The following CHTF8 variants were observed in gnomAD, a reference collection of about 807,000 sequenced individuals.
CHTF8 encodes chromosome transmission fidelity protein 8 homolog.
In CHTF8, 6 loss-of-function variants were observed where a neutral mutation model predicts 11.0. The observed-to-expected ratio is 0.55, with a 90% confidence interval of 0.30 to 1.08. The LOEUF (loss-of-function observed/expected upper bound fraction) is 1.08. CHTF8 is among the 50% of genes least tolerant of loss of function. CHTF8 has a pLI of 0.07. For synonymous variants in CHTF8, 53 were observed against 60.5 expected (o/e 0.88, Z 0.57); for missense variants, 140 against 153.1 (o/e 0.91, Z 0.45).
rs949382591 is a variant in CHTF8 at position 69,126,549 on chromosome 16, C to T, written c.-35-5056G>A. ...GCCCACAGGCCTCAGCATCTTACCA[C>T]CATGCTCAGTCAGGCTGGTAAAAAC... On this transcript the variant is annotated intron_variant, in intron 1 of 3. Transcript: ENST00000448552. Among the ~76,000 whole-genome samples, 4 of 152,230 alleles carry T rather than the reference C, an allele frequency of 2.6e-5. No individual in the cohort carries two copies. In the South Asian group the frequency reaches 6.2e-4, roughly 24 times the overall value.
chr16:69,126,700 G>C (rs909248526), intron 1 of CHTF8, among the ~76,000 whole-genome samples: 7 of 152,200 alleles, frequency 4.6e-5, no homozygotes, highest in African/African-American at 1.7e-4. Context: ...TAATTTATAC[G>C]CACGTGGGTG....
chr16:69,130,853 CA>C (rs1266765721), intron 1 of CHTF8, among the ~76,000 whole-genome samples: 2 of 152,188 alleles, frequency 1.3e-5, no homozygotes, highest in Non-Finnish European at 2.9e-5. Context: ...ATCAAGTTTT[CA>C]TAACAGTAGA....
intron 1 of CHTF8, among the ~76,000 whole-genome samples, chr16:69,122,835 C>A (rs892554602): frequency 6.6e-6 from 1 of 151,904 alleles, no homozygotes; most frequent in African/African-American, 2.4e-5. Context: ...AACCACCGCA[C>A]CTGGCTTAAT....
At chr16:69,126,704 G>A (rs529015379) in intron 1 of CHTF8, among the ~76,000 whole-genome samples, 2 of 152,350 alleles carry the variant, frequency 1.3e-5, no homozygotes, top group Middle Eastern at 3.4e-3. Context: ...TTATACGCAC[G>A]TGGGTGTATT....
Position 69,118,045 on chromosome 16 carries a change from A to AAAGAT in CHTF8, c.*2375_*2379dup. On this transcript the variant is annotated 3_prime_UTR_variant, in exon 4 of 4. Coordinates refer to ENST00000448552, the MANE Select transcript of CHTF8 (RefSeq NM_001039690.5). ...CCCATTTATTAAAGAAACAGTAAGA[A>AAAGAT]AAGATACAATGCAGGAAAACCACCA... 1 of 421,054 alleles carries AAAGAT rather than the reference A, an allele frequency of 2.4e-6. No homozygotes were observed. Among genetic ancestry groups the AAAGAT allele is most frequent in the African/African-American group, 2.0e-5 (1 of 50,506 alleles). 26.1% of individuals were successfully genotyped at this position (421,054 alleles called of 1,614,324 possible). A position where few individuals can be genotyped will look rare whatever the true frequency, so the allele number is the denominator to read the frequency against.
intron 1 of CHTF8, among the ~76,000 whole-genome samples, chr16:69,122,345 G>A (rs936994259): frequency 6.6e-6 from 1 of 151,500 alleles, no homozygotes; most frequent in Non-Finnish European, 1.5e-5. Context: ...CTATGCTGAT[G>A]TGCCTTTCTT....
chr16:69,127,660 A>T (rs1962171199), intron 1 of CHTF8, among the ~76,000 whole-genome samples: 1 of 127,568 alleles, frequency 7.8e-6, no homozygotes, highest in Admixed American at 9.9e-5. Flanking sequence ...CCCAGGCTGG[A>T]GTGCAGTGGC....
chr16:69,127,601 C>CTTTTTTT (rs71383961), intron 1 of CHTF8, among the ~76,000 whole-genome samples: 6 of 104,388 alleles, frequency 5.7e-5, no homozygotes, highest in Non-Finnish European at 1.1e-4. Context: ...CTCCCGGCAA[C>CTTTTTTT]TTTTTTTTTT....
chr16:69,121,224 G>C, intron 2 of CHTF8, 54 bp from the exon 3 acceptor site: 1 of 1,511,568 alleles, frequency 6.6e-7, no homozygotes, highest in South Asian at 1.2e-5. Context: ...AGGATGAATA[G>C]TGTCCTCACA....
chr16:69,127,291 C>G (rs922224728), intron 1 of CHTF8, among the ~76,000 whole-genome samples: 2 of 151,494 alleles, frequency 1.3e-5, no homozygotes, highest in Non-Finnish European at 2.9e-5. Context: ...CCCCCATCCC[C>G]TTGAGAGTAG....
rs1961403141 is a variant in CHTF8 at position 69,119,080 on chromosome 16, C to T, written c.*1345G>A. On this transcript the variant is annotated 3_prime_UTR_variant, in exon 4 of 4. Coordinates refer to ENST00000448552, the MANE Select transcript of CHTF8 (RefSeq NM_001039690.5). ...ACCCACAGGGCCAGCTGGAGAAGGG[C>T]CCAGATGCCCGGCAGCTGGCCTGGG... 2 of 703,020 alleles carry T rather than the reference C, an allele frequency of 2.8e-6. No homozygotes were observed. Among genetic ancestry groups the T allele is most frequent in the Non-Finnish European group, 5.2e-6 (2 of 385,016 alleles). 43.5% of individuals were successfully genotyped at this position (703,020 alleles called of 1,614,324 possible).
chr16:69,131,240 T>C (rs1470572058), intron 1 of CHTF8: 3 of 152,196 alleles, frequency 2.0e-5, no homozygotes, highest in African/African-American at 7.2e-5. Context: ...ATGCTATGCA[T>C]ACACGTGATA....
chr16:69,125,866 G>A (rs1962024746), intron 1 of CHTF8, among the ~76,000 whole-genome samples: 1 of 152,206 alleles, frequency 6.6e-6, no homozygotes, highest in South Asian at 2.1e-4. Context: ...ATGACACCTA[G>A]ATTATGTCCT....
At position 69,120,883 on chromosome 16, in the gene CHTF8, A is replaced by T; in HGVS notation, c.141+170T>A. The stretch of plus-strand genomic sequence containing the variant: ...TGAGCTTTCCAGATTCCCCAAAATT[A>T]AATTTCCCTGCTACTGCAGAGGTAG... On this transcript the variant is annotated intron_variant, in intron 3 of 3. Transcript: ENST00000448552. This position sits in a 1 kb window ranked among gnomAD's most constrained non-coding sequence, Gnocchi z 4.0. The T allele has an allele frequency of 1.3e-6, 1 of 768,206 alleles. No homozygotes were observed. The highest frequency in any genetic ancestry group is 2.3e-6 in the Non-Finnish European group (1 of 429,398). The allele number at this position is 768,206 out of a possible 1,614,324, so 47.6% of individuals were successfully genotyped here.
chr16:69,130,500 A>AAC (rs1962419600), intron 1 of CHTF8, among the ~76,000 whole-genome samples: 1 of 152,204 alleles, frequency 6.6e-6, no homozygotes, highest in African/African-American at 2.4e-5. Flanking sequence ...GTTTACGAAT[A>AAC]TAGTGAAGCA....
chr16:69,122,179 GA>G (rs1961723214), intron 1 of CHTF8, among the ~76,000 whole-genome samples: 1 of 152,154 alleles, frequency 6.6e-6, no homozygotes, highest in Non-Finnish European at 1.5e-5. Context: ...CCCTAAGTGG[GA>G]ATTGTTCTTT....
intron 1 of CHTF8, among the ~76,000 whole-genome samples, chr16:69,121,960 C>T (rs986078895): frequency 3.3e-5 from 5 of 150,770 alleles, no homozygotes; most frequent in Admixed American, 6.6e-5. Context: ...TGAGCCACCG[C>T]GCCCGGCCCT....
chr16:69,121,959 G>A (rs540998880), intron 1 of CHTF8, among the ~76,000 whole-genome samples: 16 of 148,504 alleles, frequency 1.1e-4, no homozygotes, highest in Admixed American at 4.0e-4. Context: ...GTGAGCCACC[G>A]CGCCCGGCCC....
At chr16:69,121,542 A>G (rs1961662722) in intron 1 of CHTF8, 49 bp from the exon 2 acceptor site, 2 of 1,111,028 alleles carry the variant, frequency 1.8e-6, no homozygotes, top group Non-Finnish European at 2.6e-6. Context: ...AACAACTAAT[A>G]ATGACACCTA....
Sources: gnomAD v4.1 joint callset for allele counts (sites outside exome capture counted in the v4.1 genomes callset) on GRCh38, gnomAD v4.1.1 for gene constraint, Gnocchi (gnomAD v3.1) non-coding constraint, MANE v1.5 for transcripts, NCBI Gene and HGNC (gene_info 2026-07-23, HGNC 2026-07-21) for gene names.